OPCML: variants seen among roughly 807,000 people sequenced by gnomAD.
OPCML encodes opioid-binding protein/cell adhesion molecule.
Under a neutral mutation model 37.8 loss-of-function variants are expected in OPCML, and 13 were observed. That is an observed-to-expected ratio of 0.34 (90% CI 0.22 to 0.55). OPCML has a LOEUF of 0.55. OPCML is among the 20% of genes least tolerant of loss of function. OPCML has a pLI of 0.91. For missense variants in OPCML, 341 were observed against 435.6 expected (o/e 0.78, Z 1.93); for synonymous variants, 176 against 168.8 (o/e 1.04, Z -0.33).
intron 3 of OPCML, among the ~76,000 whole-genome samples, chr11:132,559,002 T>C (rs889342242): frequency 6.6e-6 from 1 of 152,146 alleles, no homozygotes; most frequent in African/African-American, 2.4e-5. Context: ...TGATTGGGAA[T>C]TGTCAATTCA....
intron 1 of OPCML, among the ~76,000 whole-genome samples, chr11:133,274,143 T>C (rs982564272): frequency 6.6e-6 from 1 of 152,194 alleles, no homozygotes. Flanking sequence ...CTGGTGCTAG[T>C]TCCCAGAATC....
At chr11:132,898,147 G>T (rs1277119960) in intron 2 of OPCML, among the ~76,000 whole-genome samples, 1 of 152,218 alleles carries the variant, frequency 6.6e-6, no homozygotes, top group Admixed American at 6.5e-5. Flanking sequence ...TGAGTGCTCA[G>T]TTGGCCTGTT....
intron 2 of OPCML, among the ~76,000 whole-genome samples, chr11:132,891,152 T>A (rs1943631940): frequency 6.6e-6 from 1 of 152,216 alleles, no homozygotes; most frequent in Non-Finnish European, 1.5e-5. Flanking sequence ...TTGGTAACTT[T>A]TTTGGAAGTC....
At chr11:132,605,126 T>C (rs1435154511) in intron 3 of OPCML, among the ~76,000 whole-genome samples, 2 of 152,206 alleles carry the variant, frequency 1.3e-5, no homozygotes, top group African/African-American at 4.8e-5. Flanking sequence ...TCTCTGAGCT[T>C]AAGTGTCCTC....
intron 7 of OPCML, among the ~76,000 whole-genome samples, chr11:132,424,679 G>T (rs886988184): frequency 3.3e-5 from 5 of 152,114 alleles, no homozygotes. Context: ...GTGATCTTAG[G>T]CAAGATACTT....
intron 1 of OPCML, among the ~76,000 whole-genome samples, chr11:132,977,230 T>C (rs1281316757): frequency 6.6e-6 from 1 of 152,214 alleles, no homozygotes; most frequent in Non-Finnish European, 1.5e-5. Flanking sequence ...GAGCTTTGTT[T>C]TTTTGCTTGT....
At chr11:132,739,970 G>A (rs577330693) in intron 2 of OPCML, among the ~76,000 whole-genome samples, 1 of 152,162 alleles carries the variant, frequency 6.6e-6, no homozygotes, top group South Asian at 2.1e-4. Flanking sequence ...AAAAAGGCAG[G>A]TGTTATTTGA....
intron 3 of OPCML, among the ~76,000 whole-genome samples, chr11:132,610,412 G>A (rs987556231): frequency 1.3e-5 from 2 of 152,182 alleles, no homozygotes; most frequent in Non-Finnish European, 2.9e-5. Context: ...ACAAACCTAA[G>A]CTTCCCATCT....
chr11:132,458,924 G>A lies in OPCML; in HGVS notation c.506-21565C>T, dbSNP rs186057397. ...AATAAAGCATTTAATAGCCCTTTCA[G>A]ACAATTGTGTGTATTATTCTTTTGT... On this transcript the variant is annotated intron_variant, in intron 4 of 7. Transcript: ENST00000524381. 5.3e-5 allele frequency among the ~76,000 whole-genome samples: 8 copies of A among 152,258 alleles called. No homozygotes were observed. The East Asian group carries it at 9.7e-4, about 18-fold the overall frequency.
At chr11:133,010,183 G>A (rs1253383198) in intron 1 of OPCML, among the ~76,000 whole-genome samples, 1 of 152,162 alleles carries the variant, frequency 6.6e-6, no homozygotes, top group African/African-American at 2.4e-5. Context: ...GGCTTTATGG[G>A]GAGCAGTTTG....
At chr11:133,516,604 C>G (rs998098680) in intron 1 of OPCML, among the ~76,000 whole-genome samples, 1 of 152,100 alleles carries the variant, frequency 6.6e-6, no homozygotes, top group African/African-American at 2.4e-5. Context: ...TGAATTTCTC[C>G]TCAGGGGCAA....
intron 1 of OPCML, among the ~76,000 whole-genome samples, chr11:133,084,190 C>G (rs1948784403): frequency 6.6e-6 from 1 of 152,098 alleles, no homozygotes; most frequent in African/African-American, 2.4e-5. Context: ...ATGGTAATAG[C>G]TCCTCCAGGA....
chr11:132,572,110 CT>C (rs769748652), intron 3 of OPCML, among the ~76,000 whole-genome samples: 2,171 of 137,740 alleles, frequency 0.016, 13 homozygotes, highest in Middle Eastern at 0.031. Context: ...TTAAATCATG[CT>C]TTTTTTTTTT....
intron 2 of OPCML, among the ~76,000 whole-genome samples, chr11:132,920,494 G>A (rs1409141736): frequency 6.6e-6 from 1 of 152,140 alleles, no homozygotes; most frequent in Non-Finnish European, 1.5e-5. Flanking sequence ...GGGTGCTCTG[G>A]GTGCTGTCTT....
At chr11:132,799,311 C>T (rs2136198722) in intron 2 of OPCML, among the ~76,000 whole-genome samples, 1 of 152,276 alleles carries the variant, frequency 6.6e-6, no homozygotes, top group African/African-American at 2.4e-5. Context: ...TGCTCCTTCA[C>T]CTTGCACATT....
At chr11:133,001,386 C>A (rs943653939) in intron 1 of OPCML, among the ~76,000 whole-genome samples, 1 of 152,156 alleles carries the variant, frequency 6.6e-6, no homozygotes, top group African/African-American at 2.4e-5. Flanking sequence ...GGTTTTTAAG[C>A]TAAACTGATA....
At chr11:133,439,471 T>C in intron 1 of OPCML, 1 of 982,172 alleles carries the variant, frequency 1.0e-6, no homozygotes, top group Non-Finnish European at 1.2e-6. Context: ...TTTGTTTTTG[T>C]TTTTTTTCTT....
At chr11:133,500,039 T>G (rs533776181) in intron 1 of OPCML, among the ~76,000 whole-genome samples, 1 of 151,408 alleles carries the variant, frequency 6.6e-6, no homozygotes, top group South Asian at 2.1e-4. Context: ...ACCCAGCTAA[T>G]TTTTGTATTT....
chr11:132,468,570 C>A (rs2096126386), intron 4 of OPCML, among the ~76,000 whole-genome samples: 1 of 152,142 alleles, frequency 6.6e-6, no homozygotes, highest in South Asian at 2.1e-4. Context: ...TGTTAAAAAT[C>A]TTTAGCCTTT....
Sources: allele counts gnomAD v4.1 joint callset (sites outside exome capture counted in the v4.1 genomes callset), GRCh38; gene constraint gnomAD v4.1.1; transcripts MANE v1.5; gene names NCBI Gene and HGNC (gene_info 2026-07-23, HGNC 2026-07-21).